The following MFAP5 variants were observed in gnomAD, a reference collection of about 807,000 sequenced individuals.
MFAP5 encodes the protein microfibrillar-associated protein 5.
A neutral mutation model predicts 30.1 loss-of-function variants in MFAP5; 19 were observed. The ratio of observed to expected loss-of-function variants is 0.63; its 90% confidence interval spans 0.44 to 0.93. The LOEUF is 0.93. MFAP5 is among the 40% of genes least tolerant of loss of function. The pLI is 0.00. For synonymous variants in MFAP5, 92 were observed against 72.9 expected (o/e 1.26, Z -1.33); for missense variants, 210 against 221.3 (o/e 0.95, Z 0.32).
Position 8,648,180 on chromosome 12 carries a change from C to T in MFAP5, c.433G>A (p.Gly145Ser). ...MKDELCRQMAGLPPRRLRRSN... is the reference protein window; with the variant it reads ...MKDELCRQMASLPPRRLRRSN... ...CGACGGAGTCTCCTAGGGGGCAGAC[C>T]AGCCATCTGACGGCAAAGCTCATCT... Residue 145 changes from glycine (G) to serine (S), a missense_variant, in exon 10 of 10, where the codon GGT becomes AGT. Physicochemically the swap from Gly to Ser is moderately conservative, Grantham distance 56. Transcript: ENST00000359478. 1.2e-6 allele frequency: 2 copies of T among 1,613,636 alleles called. No individual in the cohort carries two copies. The highest frequency in any genetic ancestry group is 1.7e-6 in the Non-Finnish European group (2 of 1,179,682).
chr12:8,646,240 T>A lies in MFAP5; in HGVS notation c.*1851A>T, dbSNP rs1459818629. 1 of 147,882 alleles carries A rather than the reference T, an allele frequency of 6.8e-6. No individual in the cohort carries two copies. The highest frequency in any genetic ancestry group is 2.4e-5 in the African/African-American group (1 of 41,120). The allele number at this position is 147,882 out of a possible 1,614,324, so 9.2% of individuals were successfully genotyped here. The stretch of plus-strand genomic sequence containing the variant: ...ATATGCTTTGGGGCTTTTTGTAGCA[T>A]TTTTTTAAAATCAGTTGTACAGATC... On this transcript the variant is annotated 3_prime_UTR_variant, in exon 10 of 10. Coordinates refer to ENST00000359478, the MANE Select transcript of MFAP5 (RefSeq NM_003480.4).
rs1270065795 is a variant in MFAP5, at chr12:8,651,829, C to G, written c.218-138G>C. 10 of 763,986 alleles carry G rather than the reference C, an allele frequency of 1.3e-5. No individual in the cohort carries two copies. The Admixed American group carries it at 2.2e-4, about 17-fold the overall frequency. 47.3% of individuals were successfully genotyped at this position (763,986 alleles called of 1,614,324 possible). On this transcript the variant is annotated intron_variant, in intron 6 of 9. Coordinates refer to ENST00000359478, the MANE Select transcript of MFAP5 (RefSeq NM_003480.4). ...ATGAATTAATAACTCTTAGCAACTT[C>G]TAAAAGAAAACCCTTATTGAGCTGA...
chr12:8,648,217 A>G lies in MFAP5; in HGVS notation c.410-14T>C. 1 of 1,591,148 alleles carries G rather than the reference A, an allele frequency of 6.3e-7. No individual in the cohort carries two copies. The highest frequency in any genetic ancestry group is 8.6e-7 in the Non-Finnish European group (1 of 1,159,196). The stretch of plus-strand genomic sequence containing the variant: ...GGCAAAGCTCATCTAGAAGAGAAGC[A>G]GAACATCATGGGAAGAGAATGCAGA... On this transcript the variant is annotated splice_polypyrimidine_tract_variant and intron_variant, in intron 9 of 9. Coordinates refer to ENST00000359478, the MANE Select transcript of MFAP5 (RefSeq NM_003480.4).
chr12:8,649,444 C>T, intron 9 of MFAP5, 57 bp downstream of exon 9: 5 of 1,492,198 alleles, frequency 3.4e-6, no homozygotes, highest in Non-Finnish European at 4.7e-6. Context: ...ATATCATGTC[C>T]CTATCTACCC....
intron 4 of MFAP5, 30 bp downstream of exon 4, chr12:8,655,756 A>G (rs1941963727): frequency 6.3e-7 from 1 of 1,596,418 alleles, no homozygotes; most frequent in African/African-American, 1.3e-5. Context: ...TAAAACAGCA[A>G]ACAAACAAAC....
chr12:8,659,356 CT>C (rs1942087707), intron 3 of MFAP5, among the ~76,000 whole-genome samples: 1 of 151,674 alleles, frequency 6.6e-6, no homozygotes, highest in African/African-American at 2.4e-5. Context: ...CCAGGCTGAT[CT>C]CAAACTCATG....
intron 5 of MFAP5, 41 bp from the exon 6 acceptor site, chr12:8,654,522 A>ATCCCT (rs762907633): frequency 6.4e-7 from 1 of 1,567,744 alleles, no homozygotes. Flanking sequence ...AGGGCTTCAA[A>ATCCCT]TTGCAAACAC....
At chr12:8,650,426 G>A in intron 8 of MFAP5, 76 bp downstream of exon 8, 4 of 1,434,444 alleles carry the variant, frequency 2.8e-6, no homozygotes, top group Middle Eastern at 1.7e-4. Flanking sequence ...ATTCCATAGT[G>A]GGTGCTCATT....
At chr12:8,658,843 T>C (rs189214708) in intron 3 of MFAP5, among the ~76,000 whole-genome samples, 82 of 152,204 alleles carry the variant, frequency 5.4e-4, no homozygotes, top group Middle Eastern at 3.4e-3. Flanking sequence ...TTTCCTTTTC[T>C]TTTTTTGAGA....
intron 3 of MFAP5, among the ~76,000 whole-genome samples, chr12:8,656,668 A>ATATTTTT (rs1174790172): frequency 1.4e-4 from 17 of 118,780 alleles, no homozygotes; most frequent in African/African-American, 4.2e-4. Flanking sequence ...ATATATATAT[A>ATATTTTT]TTTTTTTTTT....
At chr12:8,662,208 C>A in intron 1 of MFAP5, 102 bp from the exon 2 acceptor site, 1 of 926,022 alleles carries the variant, frequency 1.1e-6, no homozygotes, top group Admixed American at 2.7e-5. Flanking sequence ...TCTTTGTCTT[C>A]CCAGAACTTT....
intron 2 of MFAP5, among the ~76,000 whole-genome samples, chr12:8,661,472 A>G (rs958334942): frequency 4.6e-5 from 7 of 152,126 alleles, no homozygotes; most frequent in African/African-American, 1.7e-4. Context: ...ACCTGCATGC[A>G]TGATGGTAAT....
intron 5 of MFAP5, among the ~76,000 whole-genome samples, chr12:8,654,940 CAAAA>C (rs34739708): frequency 1.7e-5 from 2 of 114,644 alleles, no homozygotes; most frequent in Non-Finnish European, 1.8e-5. Flanking sequence ...GACTCTGTCT[CAAAA>C]AAAAAAAAAA....
In MFAP5 at chr12:8,660,909, GGAAGA is replaced by G; in HGVS notation, c.59-16_59-12del. 1.2e-6 allele frequency: 2 copies of G among 1,609,488 alleles called. No individual in the cohort carries two copies. Among genetic ancestry groups the G allele is most frequent in the Non-Finnish European group, 1.7e-6 (2 of 1,176,282 alleles). ...CCAGGGGTATCCAGTCTATAGCAAA[GGAAGA>G]GAAAAGAGATGTGAGTGACTGCAGC... On this transcript the variant is annotated splice_polypyrimidine_tract_variant and intron_variant, in intron 2 of 9. Transcript: ENST00000359478.
intron 3 of MFAP5, among the ~76,000 whole-genome samples, chr12:8,656,357 G>A (rs1211199111): frequency 6.7e-6 from 1 of 149,786 alleles, no homozygotes; most frequent in Non-Finnish European, 1.5e-5. Flanking sequence ...CCATAATTCT[G>A]ATATAATTGG....
At position 8,647,326 on chromosome 12, in the gene MFAP5, G is replaced by C. The variant is rs1039012033; in HGVS notation, c.*765C>G. 6.6e-6 allele frequency: 1 copy of C among 152,150 alleles called. No individual in the cohort carries two copies. The highest frequency in any genetic ancestry group is 2.4e-5 in the African/African-American group (1 of 41,432). The allele number at this position is 152,150 out of a possible 1,614,324, so 9.4% of individuals were successfully genotyped here. On this transcript the variant is annotated 3_prime_UTR_variant, in exon 10 of 10. Transcript: ENST00000359478. ...GTTCATCCCGGTACTACCCATAAAC[G>C]AATCAGTAAATGAGACTTAGTTTCC...
At position 8,655,430 on chromosome 12, in the gene MFAP5, C is replaced by G. The variant is rs576618912; in HGVS notation, c.157G>C (p.Ala53Pro). ...TEDPNLVNDP[A>P]TDETVLAVLA... ...TAAAATTTACCTGTTTCATCTGTAG[C>G]GGGATCATTCACCAGATCTGCAAAG... Residue 53 changes from alanine (A) to proline (P), a missense_variant, in exon 5 of 10, where the codon GCT becomes CCT. Ala to Pro is a conservative substitution (Grantham distance 27). Coordinates refer to ENST00000359478, the MANE Select transcript of MFAP5 (RefSeq NM_003480.4). 5.6e-6 allele frequency: 9 copies of G among 1,603,820 alleles called. No individual in the cohort carries two copies. Among genetic ancestry groups the G allele is most frequent in the African/African-American group, 1.3e-5 (1 of 74,190 alleles).
rs1445650833 is a variant in MFAP5 at position 8,646,359 on chromosome 12, A to T, written c.*1732T>A. The T allele has an allele frequency of 1.3e-5, 2 of 152,198 alleles. No individual in the cohort carries two copies. The highest frequency in any genetic ancestry group is 6.5e-5 in the Admixed American group (1 of 15,274). 9.4% of individuals were successfully genotyped at this position (152,198 alleles called of 1,614,324 possible). A position where few individuals can be genotyped will look rare whatever the true frequency, so the allele number is the denominator to read the frequency against. On this transcript the variant is annotated 3_prime_UTR_variant, in exon 10 of 10. Coordinates refer to ENST00000359478, the MANE Select transcript of MFAP5 (RefSeq NM_003480.4). The stretch of plus-strand genomic sequence containing the variant: ...AGGAATACAACCTCCACTGTCATAT[A>T]TAACTTGTTGTCTCCTAGCTCCTAT...
chr12:8,655,498 T>C (rs1472802110), intron 4 of MFAP5, 51 bp from the exon 5 acceptor site: 1 of 1,564,736 alleles, frequency 6.4e-7, no homozygotes, highest in South Asian at 1.2e-5. Flanking sequence ...GAAAAGTAGC[T>C]AAGGAAAGCA....
Sources: allele counts gnomAD v4.1 joint callset (sites outside exome capture counted in the v4.1 genomes callset), GRCh38; gene constraint gnomAD v4.1.1; transcripts MANE v1.5; gene names NCBI Gene and HGNC (gene_info 2026-07-23, HGNC 2026-07-21).